The following TTC16 variants were observed in gnomAD, a reference collection of about 807,000 sequenced individuals.
TTC16 encodes the protein tetratricopeptide repeat protein 16.
Under a neutral mutation model 80.4 loss-of-function variants are expected in TTC16, and 66 were observed. The observed-to-expected ratio is 0.82, with a 90% confidence interval of 0.67 to 1.01. The LOEUF is 1.01. Among genes scored for constraint, TTC16 ranks in the 50% least tolerant of loss-of-function variants. The pLI, the probability that TTC16 is intolerant of heterozygous loss-of-function variation, is 0.00. For missense variants in TTC16, 1,070 were observed against 1,103.2 expected, an observed-to-expected ratio of 0.97 and a Z score of 0.43; for synonymous variants, 438 against 451.3, an observed-to-expected ratio of 0.97 and a Z score of 0.37.
intron 10 of TTC16, among the ~76,000 whole-genome samples, chr9:127,726,766 C>T (rs111650196): frequency 0.044 from 5,923 of 135,918 alleles, 408 homozygotes; most frequent in African/African-American, 0.14. Flanking sequence ...CCAGCCTGGG[C>T]GATAGAGTGA....
chr9:127,725,614 T>C (rs1247850022), intron 9 of TTC16, among the ~76,000 whole-genome samples: 1 of 151,912 alleles, frequency 6.6e-6, no homozygotes, highest in Non-Finnish European at 1.5e-5. Context: ...GCTTTCCTTT[T>C]TTTTAGATGG....
chr9:127,726,228 G>A lies in TTC16; in HGVS notation c.1260-11G>A. Reference sequence around the variant, plus strand: ...AGCTCATAGCAGCTTGGGACCCACTGTGTCGTGCAGGCAGTTCCAGAAGGC... The same window carrying A: ...AGCTCATAGCAGCTTGGGACCCACTATGTCGTGCAGGCAGTTCCAGAAGGC... On this transcript the variant is annotated splice_polypyrimidine_tract_variant and intron_variant, in intron 9 of 13. Coordinates refer to ENST00000373289, the MANE Select transcript of TTC16 (RefSeq NM_144965.3). The A allele has an allele frequency of 6.4e-7, 1 of 1,572,282 alleles. No homozygotes were observed. Among genetic ancestry groups the A allele is most frequent in the East Asian group, 2.3e-5 (1 of 43,366 alleles).
chr9:127,717,385 G>T lies in TTC16; in HGVS notation c.243G>T (p.Val81=). The T allele has an allele frequency of 6.2e-7, 1 of 1,613,204 alleles. No individual in the cohort carries two copies. Among genetic ancestry groups the T allele is most frequent in the Non-Finnish European group, 8.5e-7 (1 of 1,180,032 alleles). The stretch of plus-strand genomic sequence containing the variant: ...AGCAGGCAGACTGGGAGACAGCTGT[G>T]CTGCTCTTCTCCCGCGCACTCCACC... ...CLEQADWETA[V]LLFSRALHLD... The change falls in exon 3 of 14, where the codon GTG becomes GTT. Residue 81 remains valine, a synonymous_variant. Transcript: ENST00000373289.
intron 1 of TTC16, 37 bp downstream of exon 1, chr9:127,716,200 G>GGCCAGGCAGAGA (rs1564373834): frequency 6.2e-7 from 1 of 1,613,816 alleles, no homozygotes; most frequent in East Asian, 2.2e-5. Context: ...AAAGGCAGAG[G>GGCCAGGCAGAGA]GCCAGGCAGA....
At position 127,724,362 on chromosome 9, in the gene TTC16, G is replaced by A; in HGVS notation, c.1115G>A (p.Gly372Asp). 6.2e-7 allele frequency: 1 copy of A among 1,612,280 alleles called. No homozygotes were observed. Among genetic ancestry groups the A allele is most frequent in the Non-Finnish European group, 8.5e-7 (1 of 1,179,688 alleles). ...QQEKGLYINR[G>D]DCFFQLGNLA... ...GAGAAAGGACTCTACATCAACCGAG[G>A]CGGTGCGCAGCGACCAGGGCACTGG... Residue 372 changes from glycine (G) to aspartate (D), a missense_variant and splice_region_variant, in exon 8 of 14, where the codon GGC becomes GAC. Transcript: ENST00000373289.
In TTC16 at chr9:127,723,285, A is replaced by G; in HGVS notation, c.824A>G (p.Asn275Ser). The G allele has an allele frequency of 1.9e-6, 3 of 1,612,928 alleles. No individual in the cohort carries two copies. The highest frequency in any genetic ancestry group is 2.5e-6 in the Non-Finnish European group (3 of 1,180,016). ...GKLQHALQRI[N>S]RAIENNPLDP... Reference sequence around the variant, plus strand: ...CTGCAGCACGCACTGCAGCGGATCAACCGTGCCATCGAGAACAACCCTCTG... The same window carrying G: ...CTGCAGCACGCACTGCAGCGGATCAGCCGTGCCATCGAGAACAACCCTCTG... The change falls in exon 7 of 14, where the codon AAC becomes AGC. Residue 275 changes from asparagine to serine, a missense_variant. By Grantham distance (46) the Asn-to-Ser change is conservative. Transcript: ENST00000373289.
At chr9:127,716,581 G>C (rs975619723) in intron 1 of TTC16, 5 of 563,242 alleles carry the variant, frequency 8.9e-6, no homozygotes, top group African/African-American at 7.5e-5. Context: ...GGCCCTGGGG[G>C]AGAACAGACG....
intron 12 of TTC16, 132 bp from the exon 13 acceptor site, chr9:127,729,449 T>A: frequency 2.8e-6 from 2 of 710,792 alleles, no homozygotes; most frequent in African/African-American, 1.8e-5. Context: ...CACCCCACTC[T>A]AACCTGGCAC....
rs1175425721 is a variant in TTC16 at position 127,716,422 on chromosome 9, G to A, written c.18+259G>A. 6.7e-6 allele frequency: 4 copies of A among 596,976 alleles called. No homozygotes were observed. In the African/African-American group the frequency reaches 7.4e-5, roughly 11 times the overall value. 37.0% of individuals were successfully genotyped at this position (596,976 alleles called of 1,614,324 possible). ...ATGGGAGAACCTGGGGCAGAAGTCA[G>A]GTGAGGTGCTCAGTGTGGCCTGCTG... On this transcript the variant is annotated intron_variant, in intron 1 of 13. Transcript: ENST00000373289.
At chr9:127,723,003 AG>A in intron 6 of TTC16, 115 bp from the exon 7 acceptor site, 1 of 899,966 alleles carries the variant, frequency 1.1e-6, no homozygotes, top group South Asian at 1.6e-5. Flanking sequence ...TGGAACATGG[AG>A]GGATGTGAGG....
In TTC16 at chr9:127,716,171, C is replaced by G. The variant is rs534148003; in HGVS notation, c.18+8C>G. ...ATGACAGATTCGGACGAGGTGCGGG[C>G]TTGGGAGAAGACTAACGCAAAGGCA... On this transcript the variant is annotated splice_region_variant and intron_variant, in intron 1 of 13. Coordinates refer to ENST00000373289, the MANE Select transcript of TTC16 (RefSeq NM_144965.3). The G allele has an allele frequency of 1.2e-6, 2 of 1,613,922 alleles. No homozygotes were observed. The highest frequency in any genetic ancestry group is 2.7e-5 in the African/African-American group (2 of 75,064).
chr9:127,726,972 G>A lies in TTC16; in HGVS notation c.1428G>A (p.Leu476=). The A allele has an allele frequency of 6.2e-7, 1 of 1,613,210 alleles. No individual in the cohort carries two copies. The highest frequency in any genetic ancestry group is 8.5e-7 in the Non-Finnish European group (1 of 1,180,026). Residue 476 remains leucine, a splice_region_variant and synonymous_variant, in exon 11 of 14, where the codon CTG becomes CTA. Coordinates refer to ENST00000373289, the MANE Select transcript of TTC16 (RefSeq NM_144965.3). ...VLLLNPKQPK[L]SLLMTNLFPG... Reference sequence around the variant, plus strand: ...CTGGTCACCCCCTTTCGTGGCAGCTGTCCCTGCTGATGACCAACCTCTTCC... The same window carrying A: ...CTGGTCACCCCCTTTCGTGGCAGCTATCCCTGCTGATGACCAACCTCTTCC...
At position 127,730,959 on chromosome 9, in the gene TTC16, A is replaced by G. The variant is rs1355895195; in HGVS notation, c.2176A>G (p.Thr726Ala). 2.5e-6 allele frequency: 4 copies of G among 1,613,260 alleles called. No homozygotes were observed. The South Asian group carries it at 3.3e-5, about 13-fold the overall frequency. The change falls in exon 14 of 14, where the codon ACC (threonine) becomes GCC (alanine). Residue 726 changes from threonine to alanine, a missense_variant. Thr to Ala is a moderately conservative substitution (Grantham distance 58). Coordinates refer to ENST00000373289, the MANE Select transcript of TTC16 (RefSeq NM_144965.3). Reference protein sequence around the residue: ...QRRNSSKTRATQGQGQSSSKT... With the variant: ...QRRNSSKTRAAQGQGQSSSKT... ...GCGGAACTCCAGCAAGACCAGGGCC[A>G]CCCAGGGCCAGGGGCAGAGCTCCAG...
Position 127,726,327 on chromosome 9 carries a change from C to G in TTC16, c.1348C>G (p.Arg450Gly). The change falls in exon 10 of 14, where the codon CGG (arginine) becomes GGG (glycine). Residue 450 changes from arginine to glycine, a missense_variant. Physicochemically the swap from Arg to Gly is moderately radical, Grantham distance 125. Transcript: ENST00000373289. ...AQYYLYRAKS[R>G]QLLQNIFGAR... is the part of the protein sequence containing the mutation. ...GTACTACCTGTACCGGGCCAAGAGC[C>G]GGCAGCTGCTGCAGAACATTTTTGG... The G allele has an allele frequency of 4.3e-6, 7 of 1,612,404 alleles. No individual in the cohort carries two copies. The highest frequency in any genetic ancestry group is 5.9e-6 in the Non-Finnish European group (7 of 1,179,486).
chr9:127,727,192 CG>C (rs1480775307), intron 11 of TTC16, 77 bp from the exon 12 acceptor site: 14 of 1,519,608 alleles, frequency 9.2e-6, no homozygotes, highest in East Asian at 2.3e-5. Flanking sequence ...AGCTGCATGA[CG>C]GGGCCGTTGT....
At chr9:127,721,394 G>A (rs1843498085) in intron 6 of TTC16, among the ~76,000 whole-genome samples, 1 of 151,946 alleles carries the variant, frequency 6.6e-6, no homozygotes, top group Admixed American at 6.6e-5. Flanking sequence ...CCGGAGTCTG[G>A]CTTGGGGGTG....
rs1481344308 is a variant in TTC16 at position 127,720,275 on chromosome 9, T to C, written c.537T>C (p.Cys179=). ...TGCCCTCTGCCCTCAGCATGGCCTG[T>C]CTCCTGGCCCTCAAGCAGCATCAGG... is the stretch of plus-strand genomic sequence containing the variant. ...KPCFRYRCMA[C]LLALKQHQAC... Residue 179 remains cysteine (C), a synonymous_variant, in exon 6 of 14, where the codon TGT becomes TGC. Transcript: ENST00000373289. 1 of 1,613,238 alleles carries C rather than the reference T, an allele frequency of 6.2e-7. No individual in the cohort carries two copies. Among genetic ancestry groups the C allele is most frequent in the African/African-American group, 1.3e-5 (1 of 74,904 alleles).
chr9:127,720,586 C>G (rs532236081), intron 6 of TTC16, among the ~76,000 whole-genome samples, 191 bp downstream of exon 6: 32 of 152,180 alleles, frequency 2.1e-4, no homozygotes, highest in African/African-American at 7.7e-4. Context: ...GGTCCTTGTT[C>G]CACTGTTGCT....
At chr9:127,716,283 G>A in intron 1 of TTC16, 120 bp downstream of exon 1, 1 of 1,428,400 alleles carries the variant, frequency 7.0e-7, no homozygotes, top group Non-Finnish European at 9.8e-7. Flanking sequence ...CTCAGGGAAG[G>A]CCCTGGCCGC....
Sources: gnomAD v4.1 joint callset for allele counts (sites outside exome capture counted in the v4.1 genomes callset) on GRCh38, gnomAD v4.1.1 for gene constraint, MANE v1.5 for transcripts, NCBI Gene and HGNC (gene_info 2026-07-23, HGNC 2026-07-21) for gene names.